LAMA2: variants seen among roughly 807,000 people sequenced by gnomAD.
The protein encoded by LAMA2 is laminin subunit alpha 2, also known as laminin subunit alpha-2.
LAMA2 carries 269 observed loss-of-function variants against 364.8 expected under a neutral mutation model. The observed-to-expected ratio is 0.74, with a 90% CI of 0.67 to 0.82. The LOEUF (loss-of-function observed/expected upper bound fraction) is 0.82. Ranked by LOEUF, LAMA2 falls within the 40% of genes least tolerant of loss-of-function variation. The pLI is 0.00. For missense variants in LAMA2, 3,807 were observed against 3,873.2 expected, an observed-to-expected ratio of 0.98 and a Z score of 0.45; for synonymous variants, 1,379 against 1,370.6, an observed-to-expected ratio of 1.01 and a Z score of -0.14.
At chr6:129,466,170 A>G (rs1300175866) in intron 51 of LAMA2, among the ~76,000 whole-genome samples, 1 of 151,966 alleles carries the variant, frequency 6.6e-6, no homozygotes, top group Non-Finnish European at 1.5e-5. Context: ...AACTAAATGA[A>G]GTTCTAAGTT....
chr6:129,454,476 T>G (rs981718366), intron 47 of LAMA2, among the ~76,000 whole-genome samples, 188 bp downstream of exon 47: 13 of 152,164 alleles, frequency 8.5e-5, no homozygotes, highest in African/African-American at 3.1e-4. Flanking sequence ...TGACAAACCT[T>G]CCAGGTATTG....
intron 1 of LAMA2, among the ~76,000 whole-genome samples, chr6:128,926,260 T>TA (rs111568940): frequency 1.4e-4 from 21 of 151,474 alleles, no homozygotes; most frequent in East Asian, 5.8e-4. Flanking sequence ...TGACTTCTTT[T>TA]AAAAAAAAAC....
chr6:129,099,054 C>T (rs1775349536), intron 4 of LAMA2, among the ~76,000 whole-genome samples: 1 of 150,320 alleles, frequency 6.7e-6, no homozygotes, highest in Non-Finnish European at 1.5e-5. Context: ...TTTTAAGCCA[C>T]ATATTCTAAC....
chr6:129,493,423 G>A (rs947694489), intron 58 of LAMA2, among the ~76,000 whole-genome samples: 10 of 152,104 alleles, frequency 6.6e-5, no homozygotes, highest in African/African-American at 2.2e-4. Context: ...TACTAACCGG[G>A]CCCAACCCTG....
chr6:129,090,423 C>G (rs1237804484), intron 3 of LAMA2, among the ~76,000 whole-genome samples: 1 of 152,154 alleles, frequency 6.6e-6, no homozygotes, highest in Non-Finnish European at 1.5e-5. Context: ...TTAATATTAA[C>G]AAATATTTAC....
intron 4 of LAMA2, among the ~76,000 whole-genome samples, chr6:129,102,189 C>T (rs560677750): frequency 3.5e-4 from 52 of 146,626 alleles, no homozygotes; most frequent in Non-Finnish European, 5.7e-4. Context: ...AGTGCAGTGG[C>T]GCCATCTCAG....
chr6:129,085,054 C>G (rs1392852650), intron 3 of LAMA2, among the ~76,000 whole-genome samples: 36 of 152,080 alleles, frequency 2.4e-4, no homozygotes. Flanking sequence ...CCAGGAAGCC[C>G]CATGGACTCA....
chr6:129,445,667 T>A lies in LAMA2; in HGVS notation c.6275T>A (p.Ile2092Asn), dbSNP rs1206360616. Residue 2092 changes from isoleucine to asparagine, a missense_variant and splice_region_variant, in exon 45 of 65, where the codon ATT (isoleucine) becomes AAT (asparagine). By Grantham distance (149) the Ile-to-Asn change is moderately radical. This residue lies in a region of LAMA2 where 3,333 missense variants were observed against 3,345.7 expected (regional missense o/e 1.00). Coordinates refer to ENST00000421865, the MANE Select transcript of LAMA2 (RefSeq NM_000426.4). ...TGCACACTAATTTTGTTCTATGCAG[T>A]TGCCGATGCAGATGCCACTGTCAAA... ...VVKDPSKNKI[I>N]ADADATVKNL... 2.4e-5 allele frequency: 38 copies of A among 1,613,742 alleles called. No individual in the cohort carries two copies. Among genetic ancestry groups the A allele is most frequent in the Non-Finnish European group, 2.9e-5 (34 of 1,179,794 alleles).
At chr6:129,251,596 C>A (rs1786248651) in intron 13 of LAMA2, among the ~76,000 whole-genome samples, 1 of 152,124 alleles carries the variant, frequency 6.6e-6, no homozygotes, top group Non-Finnish European at 1.5e-5. Context: ...ATGTATACCA[C>A]AAATATATTC....
chr6:129,108,316 A>G (rs915745355), intron 4 of LAMA2, among the ~76,000 whole-genome samples: 4 of 152,040 alleles, frequency 2.6e-5, no homozygotes, highest in African/African-American at 9.7e-5. Context: ...TCAGTTGTGC[A>G]ATAGACTTGT....
chr6:128,883,575 T>G (rs997562804), intron 1 of LAMA2, among the ~76,000 whole-genome samples: 4 of 150,386 alleles, frequency 2.7e-5, no homozygotes, highest in Non-Finnish European at 5.9e-5. Context: ...GAACGGGGAG[T>G]GCTTTTCATT....
chr6:129,205,598 G>C (rs958083216), intron 12 of LAMA2, among the ~76,000 whole-genome samples: 2 of 150,944 alleles, frequency 1.3e-5, no homozygotes, highest in African/African-American at 4.9e-5. Context: ...TCACCACAAA[G>C]CTGCCAATCA....
intron 54 of LAMA2, among the ~76,000 whole-genome samples, chr6:129,479,372 C>T (rs895430410): frequency 1.3e-5 from 2 of 152,152 alleles, no homozygotes; most frequent in Non-Finnish European, 2.9e-5. Context: ...CCTTTGTTAG[C>T]TGATATCCTC....
chr6:129,390,502 T>C (rs1779260130), intron 35 of LAMA2, among the ~76,000 whole-genome samples: 2 of 152,012 alleles, frequency 1.3e-5, no homozygotes, highest in African/African-American at 4.8e-5. Context: ...GGATACACCC[T>C]TGAATGGTAG....
At chr6:129,231,508 A>G (rs1228526015) in intron 12 of LAMA2, among the ~76,000 whole-genome samples, 1 of 152,148 alleles carries the variant, frequency 6.6e-6, no homozygotes, top group East Asian at 1.9e-4. Flanking sequence ...CAGTATAAAA[A>G]TGTGTCTATG....
At chr6:129,354,824 A>G (rs1348096013) in intron 32 of LAMA2, among the ~76,000 whole-genome samples, 1 of 152,166 alleles carries the variant, frequency 6.6e-6, no homozygotes, top group Non-Finnish European at 1.5e-5. Flanking sequence ...ATTGTTGATG[A>G]TCAATACTTT....
chr6:128,992,770 T>G (rs1783684937), intron 1 of LAMA2, among the ~76,000 whole-genome samples: 1 of 152,202 alleles, frequency 6.6e-6, no homozygotes, highest in Non-Finnish European at 1.5e-5. Flanking sequence ...GTTTTGTGCT[T>G]TGACATTTCA....
At chr6:129,401,098 C>T (rs1184139627) in intron 37 of LAMA2, 126 bp from the exon 38 acceptor site, 11 of 765,102 alleles carry the variant, frequency 1.4e-5, no homozygotes, top group Non-Finnish European at 2.6e-5. Context: ...TCTCATCTAG[C>T]CACATTTCAA....
intron 8 of LAMA2, chr6:129,158,967 G>C: frequency 2.5e-6 from 4 of 1,589,056 alleles, no homozygotes; most frequent in Non-Finnish European, 3.5e-6. Flanking sequence ...GTATCCTCTG[G>C]TGCTAAGGTT....
Sources: allele counts gnomAD v4.1 joint callset (sites outside exome capture counted in the v4.1 genomes callset), GRCh38; gene constraint gnomAD v4.1.1; regional missense constraint gnomAD v4.1.1; transcripts MANE v1.5; gene names NCBI Gene and HGNC (gene_info 2026-07-23, HGNC 2026-07-21).